Variants in KCNQ5 observed in about 807,000 individuals in gnomAD.
The protein encoded by KCNQ5 is potassium voltage-gated channel subfamily Q member 5, also known as potassium voltage-gated channel subfamily KQT member 5.
In KCNQ5, 30 loss-of-function variants were observed where a neutral mutation model predicts 98.2. The ratio of observed to expected loss-of-function variants is 0.31; its 90% confidence interval spans 0.23 to 0.41. The LOEUF (loss-of-function observed/expected upper bound fraction) is 0.41. Among genes scored for constraint, KCNQ5 ranks in the 10% least tolerant of loss-of-function variants. The probability of loss-of-function intolerance (pLI) is 1.00; values close to 1 mark genes in which losing one functional copy is unlikely to be tolerated. For synonymous variants in KCNQ5, 458 were observed against 449.4 expected (o/e 1.02, Z -0.24); for missense variants, 835 against 1,182.5 (o/e 0.71, Z 4.31).
intron 11 of KCNQ5, among the ~76,000 whole-genome samples, chr6:73,171,750 G>T (rs1316356359): frequency 6.6e-6 from 1 of 152,234 alleles, no homozygotes; most frequent in Non-Finnish European, 1.5e-5. Context: ...TTTTTCACAT[G>T]TTGAGTATAT....
intron 1 of KCNQ5, among the ~76,000 whole-genome samples, chr6:72,659,795 G>C (rs540656050): frequency 1.6e-4 from 25 of 152,246 alleles, no homozygotes; most frequent in African/African-American, 5.8e-4. Flanking sequence ...AATTTGGAGG[G>C]ATACATTTAG....
At chr6:72,814,752 T>G (rs1482610055) in intron 1 of KCNQ5, among the ~76,000 whole-genome samples, 1 of 152,214 alleles carries the variant, frequency 6.6e-6, no homozygotes, top group East Asian at 1.9e-4. Context: ...TCAAAGCTGA[T>G]GAGGACACTA....
chr6:72,724,697 T>A (rs1189269961), intron 1 of KCNQ5, among the ~76,000 whole-genome samples: 1 of 152,200 alleles, frequency 6.6e-6, no homozygotes, highest in Non-Finnish European at 1.5e-5. Flanking sequence ...CCTTGGCCAC[T>A]GTGCATGAGT....
intron 1 of KCNQ5, among the ~76,000 whole-genome samples, chr6:72,850,313 T>C (rs931567201): frequency 6.6e-6 from 1 of 152,206 alleles, no homozygotes; most frequent in African/African-American, 2.4e-5. Flanking sequence ...TGAGATGGCT[T>C]GCACAGTTGG....
intron 1 of KCNQ5, among the ~76,000 whole-genome samples, chr6:72,672,360 A>G (rs1452093457): frequency 1.3e-5 from 2 of 152,090 alleles, no homozygotes; most frequent in African/African-American, 4.8e-5. Context: ...TGCCTCCCAA[A>G]GTGATGGGAT....
chr6:72,883,452 G>A (rs1778724808), intron 1 of KCNQ5, among the ~76,000 whole-genome samples: 1 of 152,024 alleles, frequency 6.6e-6, no homozygotes, highest in Non-Finnish European at 1.5e-5. Context: ...AACATCCATT[G>A]TTGGATTTTT....
chr6:72,987,179 G>A (rs1768822835), intron 1 of KCNQ5: 2 of 682,412 alleles, frequency 2.9e-6, no homozygotes, highest in Admixed American at 2.0e-5. Flanking sequence ...AGAAGGTAGA[G>A]CAGCCAATCA....
intron 1 of KCNQ5, among the ~76,000 whole-genome samples, chr6:72,961,697 G>A (rs1250948114): frequency 1.3e-5 from 2 of 151,212 alleles, no homozygotes; most frequent in Non-Finnish European, 2.9e-5. Flanking sequence ...GGGCTGAGAC[G>A]AGAAGATAAA....
chr6:73,172,739 T>C (rs2150506411), intron 11 of KCNQ5, among the ~76,000 whole-genome samples: 1 of 152,334 alleles, frequency 6.6e-6, no homozygotes, highest in South Asian at 2.1e-4. Context: ...AAATAGTAAC[T>C]TTGGGCATTT....
chr6:73,055,801 G>A, intron 3 of KCNQ5: 1 of 836,352 alleles, frequency 1.2e-6, no homozygotes, highest in Non-Finnish European at 2.0e-6. Context: ...AGGGGATGAA[G>A]AGACCATGTG....
At chr6:72,858,660 T>C (rs1777629675) in intron 1 of KCNQ5, among the ~76,000 whole-genome samples, 1 of 152,106 alleles carries the variant, frequency 6.6e-6, no homozygotes, top group African/African-American at 2.4e-5. Flanking sequence ...TCTGGTTTTA[T>C]ATCCCGTTTA....
intron 1 of KCNQ5, among the ~76,000 whole-genome samples, chr6:72,721,774 C>A (rs1769970509): frequency 2.0e-5 from 3 of 152,154 alleles, no homozygotes; most frequent in Admixed American, 1.3e-4. Context: ...TGCTACTTCC[C>A]TGTTTTCTCA....
chr6:72,659,245 T>G (rs2154472821), intron 1 of KCNQ5, among the ~76,000 whole-genome samples: 1 of 152,308 alleles, frequency 6.6e-6, no homozygotes, highest in South Asian at 2.1e-4. Context: ...GCTATAGACA[T>G]TTCTGCCTGA....
chr6:73,146,626 C>CAAAAAAAAAAAAAAAAAAAAAAAAAAAA (rs58798764), intron 10 of KCNQ5, among the ~76,000 whole-genome samples: 1 of 28,484 alleles, frequency 3.5e-5, no homozygotes. Context: ...GTCCCTGTCT[C>CAAAAAAAAAAAAAAAAAAAAAAAAAAAA]AAAAAAAAAA....
chr6:72,946,883 C>T (rs1428965837), intron 1 of KCNQ5, among the ~76,000 whole-genome samples: 4 of 152,056 alleles, frequency 2.6e-5, no homozygotes, highest in African/African-American at 4.8e-5. Flanking sequence ...TAATAAAGAC[C>T]GGCAAGGGAA....
chr6:72,681,086 C>A (rs182994686), intron 1 of KCNQ5, among the ~76,000 whole-genome samples: 57 of 152,296 alleles, frequency 3.7e-4, no homozygotes, highest in African/African-American at 1.3e-3. Flanking sequence ...TTACTTACTT[C>A]TGTAAACCAG....
chr6:73,128,887 T>C (rs971580563), intron 9 of KCNQ5, among the ~76,000 whole-genome samples: 1 of 152,214 alleles, frequency 6.6e-6, no homozygotes, highest in African/African-American at 2.4e-5. Flanking sequence ...GAGTGCTTTT[T>C]CTGAACCACT....
intron 1 of KCNQ5, among the ~76,000 whole-genome samples, chr6:72,866,593 A>G (rs1341812073): frequency 1.3e-5 from 2 of 152,102 alleles, no homozygotes; most frequent in African/African-American, 4.8e-5. Context: ...TAAGAATCTT[A>G]GGCTTATCCA....
intron 3 of KCNQ5, among the ~76,000 whole-genome samples, chr6:73,064,867 T>C (rs1481563306): frequency 6.6e-6 from 1 of 152,190 alleles, no homozygotes; most frequent in Non-Finnish European, 1.5e-5. Flanking sequence ...ATGTGCCTCC[T>C]ACTCATTCAT....
Sources: allele counts gnomAD v4.1 joint callset (sites outside exome capture counted in the v4.1 genomes callset), GRCh38; gene constraint gnomAD v4.1.1; transcripts MANE v1.5; gene names NCBI Gene and HGNC (gene_info 2026-07-23, HGNC 2026-07-21).